CENPO: variants seen among roughly 807,000 people sequenced by gnomAD.
The protein encoded by CENPO is centromeric protein O.
CENPO carries 30 observed loss-of-function variants against 36.1 expected under a neutral mutation model. The observed-to-expected ratio is 0.83, with a 90% CI of 0.62 to 1.13. The LOEUF is 1.13. Among genes scored for constraint, CENPO ranks in the 50% most tolerant of loss-of-function variants. The pLI is 0.00. For synonymous variants in CENPO, 171 were observed against 142.3 expected (o/e 1.20, Z -1.44); for missense variants, 349 against 357.8 (o/e 0.98, Z 0.20).
In CENPO at chr2:24,799,796, G is replaced by C; in HGVS notation, c.168G>C (p.Arg56Ser). Residue 56 changes from arginine (R) to serine (S), a missense_variant, in exon 3 of 8, where the codon AGG becomes AGC. By Grantham distance (110) the Arg-to-Ser change is moderately radical (BLOSUM62 -1). Coordinates refer to ENST00000380834, the MANE Select transcript of CENPO (RefSeq NM_001322101.2). Reference sequence around the variant, plus strand: ...TTGGAACCAAGATTCATAAACTAAGGCGTCTGCGAGATGAGCTGAGGGCTG... The same window carrying C: ...TTGGAACCAAGATTCATAAACTAAGCCGTCTGCGAGATGAGCTGAGGGCTG... ...GALGTKIHKL[R>S]RLRDELRAVV... The C allele has an allele frequency of 6.2e-7, 1 of 1,613,844 alleles. No individual in the cohort carries two copies. The highest frequency in any genetic ancestry group is 2.2e-5 in the East Asian group (1 of 44,890).
chr2:24,812,118 A>C (rs1006516697), intron 3 of CENPO, among the ~76,000 whole-genome samples: 3 of 152,098 alleles, frequency 2.0e-5, no homozygotes, highest in Non-Finnish European at 4.4e-5. Context: ...TAAAATCTCC[A>C]TATTTGTTTG....
intron 3 of CENPO, among the ~76,000 whole-genome samples, chr2:24,812,741 C>T (rs1666753543): frequency 6.6e-6 from 1 of 151,984 alleles, no homozygotes; most frequent in African/African-American, 2.4e-5. Flanking sequence ...TCATTCTTTT[C>T]TGTATAGATT....
chr2:24,794,041 GGAACTGA>G (rs774091381), intron 2 of CENPO, 76 bp downstream of exon 2: 62 of 1,154,604 alleles, frequency 5.4e-5, no homozygotes, highest in Non-Finnish European at 7.5e-5. Context: ...CTTTCCTCCT[GGAACTGA>G]CGTGGGACCT....
intron 2 of CENPO, 64 bp from the exon 3 acceptor site, chr2:24,799,611 G>A: frequency 7.5e-7 from 1 of 1,335,044 alleles, no homozygotes; most frequent in South Asian, 1.4e-5. Flanking sequence ...TCCCTGAGAT[G>A]CTTCCTGTTG....
At position 24,816,731 on chromosome 2, in the gene CENPO, G is replaced by A; in HGVS notation, c.680G>A (p.Gly227Glu). The change falls in exon 6 of 8, where the codon GGG (glycine) becomes GAG (glutamate). Residue 227 changes from glycine (G) to glutamate (E), a missense_variant. Coordinates refer to ENST00000380834, the MANE Select transcript of CENPO (RefSeq NM_001322101.2). ...TCATTTACTTACAAACTGGATCCAGGGGGTCAGTCCTTCCCGTTCTGTGCT... is the reference window on the plus strand; with the variant it reads ...TCATTTACTTACAAACTGGATCCAGAGGGTCAGTCCTTCCCGTTCTGTGCT... ...LLSFTYKLDP[G>E]GQSFPFCARL... 6.2e-7 allele frequency: 1 copy of A among 1,612,786 alleles called. No individual in the cohort carries two copies. The highest frequency in any genetic ancestry group is 1.1e-5 in the South Asian group (1 of 90,630).
In CENPO at chr2:24,815,471, T is replaced by C; in HGVS notation, c.335-26T>C. ...AGACATCACCTTGGCCTGCTGTCTATTGAGGTGTCTTCTTGTTTGCCTCAG... is the reference window on the plus strand; with the variant it reads ...AGACATCACCTTGGCCTGCTGTCTACTGAGGTGTCTTCTTGTTTGCCTCAG... On this transcript the variant is annotated intron_variant, in intron 4 of 7. Transcript: ENST00000380834. 3 of 1,609,590 alleles carry C rather than the reference T, an allele frequency of 1.9e-6. No homozygotes were observed. The East Asian group carries it at 6.7e-5, about 36-fold the overall frequency.
In CENPO at chr2:24,806,199, C is replaced by T. The variant is rs1033981642; in HGVS notation, c.216+6355C>T. Among the ~76,000 whole-genome samples, 11 of 152,278 alleles carry T rather than the reference C, an allele frequency of 7.2e-5. 1 individual carries two copies. Among genetic ancestry groups the T allele is most frequent in the African/African-American group, 1.7e-4 (7 of 41,550 alleles). ...GCGCAGTATTGGGGTGGGAGTGACC[C>T]GATTTTCCAGGTGCCGTCTGTCACC... is the stretch of plus-strand genomic sequence containing the variant. On this transcript the variant is annotated intron_variant, in intron 3 of 7. Transcript: ENST00000380834.
intron 3 of CENPO, among the ~76,000 whole-genome samples, chr2:24,809,127 G>GA (rs1159474794): frequency 6.6e-6 from 1 of 152,094 alleles, no homozygotes; most frequent in Non-Finnish European, 1.5e-5. Context: ...TTTAAAGTTT[G>GA]AAATTTTTTT....
rs531894177 is a variant in CENPO at position 24,809,626 on chromosome 2, A to AT, written c.217-4748dup. ...TTTTCATTATCATTTCAATTCAAAT[A>AT]TTGTTAATTTCCATTGTGTTATCTT... On this transcript the variant is annotated intron_variant, in intron 3 of 7. Transcript: ENST00000380834. 2.6e-4 allele frequency among the ~76,000 whole-genome samples: 40 copies of AT among 151,440 alleles called. No individual in the cohort carries two copies. The East Asian group carries it at 4.3e-3, about 16-fold the overall frequency.
chr2:24,815,468 C>G (rs954584693), intron 4 of CENPO, 29 bp from the exon 5 acceptor site: 1 of 1,607,114 alleles, frequency 6.2e-7, no homozygotes, highest in African/African-American at 1.3e-5. Context: ...GGCCTGCTGT[C>G]TATTGAGGTG....
Position 24,815,562 on chromosome 2 carries a change from C to G in CENPO, c.400C>G (p.Leu134Val). ...VCISTAFEGNLLDSYFVDLVI... is the reference protein window; with the variant it reads ...VCISTAFEGNVLDSYFVDLVI... ...CATCAGTACTGCTTTTGAGGGGAAC[C>G]TATTGGATTCCTATTTTGTGGACCT... is the stretch of plus-strand genomic sequence containing the variant. The change falls in exon 5 of 8, where the codon CTA (leucine) becomes GTA (valine). Residue 134 changes from leucine to valine, a missense_variant. Leu to Val is a conservative substitution (Grantham distance 32). Transcript: ENST00000380834. The G allele has an allele frequency of 6.2e-7, 1 of 1,613,740 alleles. No homozygotes were observed. The highest frequency in any genetic ancestry group is 8.5e-7 in the Non-Finnish European group (1 of 1,179,646).
chr2:24,807,776 G>T (rs1666486380), intron 3 of CENPO, among the ~76,000 whole-genome samples: 1 of 152,152 alleles, frequency 6.6e-6, no homozygotes, highest in South Asian at 2.1e-4. Context: ...CCATTGTCCT[G>T]CATTTTTACC....
chr2:24,814,205 A>G (rs1666832561), intron 3 of CENPO, among the ~76,000 whole-genome samples, 171 bp from the exon 4 acceptor site: 1 of 152,212 alleles, frequency 6.6e-6, no homozygotes, highest in South Asian at 2.1e-4. Context: ...ATTGTGACCC[A>G]TGAGATTCTT....
At position 24,820,581 on chromosome 2, in the gene CENPO, T is replaced by C. The variant is rs914368889; in HGVS notation, c.*1263T>C. ...GTGCTGAGGCTAGCTATTGCAGAGA[T>C]TCTTTTCCACTTGCCCCACGTCTCT... On this transcript the variant is annotated 3_prime_UTR_variant, in exon 8 of 8. Coordinates refer to ENST00000380834, the MANE Select transcript of CENPO (RefSeq NM_001322101.2). The C allele has an allele frequency of 1.4e-6, 2 of 1,466,848 alleles. No homozygotes were observed. Among genetic ancestry groups the C allele is most frequent in the Non-Finnish European group, 1.8e-6 (2 of 1,098,522 alleles). 90.9% of individuals were successfully genotyped at this position (1,466,848 alleles called of 1,614,324 possible). A position where few individuals can be genotyped will look rare whatever the true frequency, so the allele number is the denominator to read the frequency against.
In CENPO at chr2:24,799,596, G is replaced by C. The variant is rs886431336; in HGVS notation, c.47-79G>C. The stretch of plus-strand genomic sequence containing the variant: ...GGTAAAAAAAAAAAAAGAGTCACCT[G>C]TTCTTCCCTGAGATGCTTCCTGTTG... On this transcript the variant is annotated intron_variant, in intron 2 of 7. Transcript: ENST00000380834. The C allele has an allele frequency of 1.9e-5, 21 of 1,123,398 alleles. 1 individual carries two copies. The South Asian group carries it at 2.5e-4, about 13-fold the overall frequency. The allele number at this position is 1,123,398 out of a possible 1,614,324, so 69.6% of individuals were successfully genotyped here. A position where few individuals can be genotyped will look rare whatever the true frequency, so the allele number is the denominator to read the frequency against.
rs1466423367 is a variant in CENPO at position 24,821,846 on chromosome 2, G to A, written c.*2528G>A. Reference sequence around the variant, plus strand: ...CACGTAGCAGGTCTAGGCAAAGACTGGGCAATTGAGCAGAGGAGACGGACC... The same window carrying A: ...CACGTAGCAGGTCTAGGCAAAGACTAGGCAATTGAGCAGAGGAGACGGACC... On this transcript the variant is annotated 3_prime_UTR_variant, in exon 8 of 8. Transcript: ENST00000380834. The A allele has an allele frequency of 2.0e-5, 13 of 648,618 alleles. No homozygotes were observed. The Admixed American group carries it at 2.9e-4, about 14-fold the overall frequency. The allele number at this position is 648,618 out of a possible 1,614,324, so 40.2% of individuals were successfully genotyped here.
At chr2:24,803,106 T>G (rs1372679231) in intron 3 of CENPO, among the ~76,000 whole-genome samples, 1 of 152,080 alleles carries the variant, frequency 6.6e-6, no homozygotes, top group African/African-American at 2.4e-5. Flanking sequence ...ATTTTCTAGT[T>G]TATTTGCGTA....
At position 24,799,665 on chromosome 2, in the gene CENPO, C is replaced by T; in HGVS notation, c.47-10C>T. 1 of 1,582,452 alleles carries T rather than the reference C, an allele frequency of 6.3e-7. No homozygotes were observed. Among genetic ancestry groups the T allele is most frequent in the Non-Finnish European group, 8.6e-7 (1 of 1,160,950 alleles). On this transcript the variant is annotated splice_polypyrimidine_tract_variant and intron_variant, in intron 2 of 7. Coordinates refer to ENST00000380834, the MANE Select transcript of CENPO (RefSeq NM_001322101.2). ...AGCTTCTTGTAAAATTCTCCTTTTA[C>T]TCTCCTTAGGTGTTTTAGCTCACTT...
intron 3 of CENPO, among the ~76,000 whole-genome samples, chr2:24,805,279 T>C (rs1666346607): frequency 6.6e-6 from 1 of 152,216 alleles, no homozygotes; most frequent in Admixed American, 6.5e-5. Context: ...AACTTCCTCC[T>C]GTAGCTCGGA....
Sources: gnomAD v4.1 joint callset for allele counts (sites outside exome capture counted in the v4.1 genomes callset) on GRCh38, gnomAD v4.1.1 for gene constraint, MANE v1.5 for transcripts, NCBI Gene and HGNC (gene_info 2026-07-23, HGNC 2026-07-21) for gene names.